The following GMEB2 variants were observed in gnomAD, a reference collection of about 807,000 sequenced individuals.
The protein encoded by GMEB2 is glucocorticoid modulatory element binding protein 2, also known as glucocorticoid modulatory element-binding protein 2.
A neutral mutation model predicts 45.7 loss-of-function variants in GMEB2; 7 were observed. The ratio of observed to expected loss-of-function variants is 0.15; its 90% CI spans 0.09 to 0.29. The LOEUF is 0.29. GMEB2 is among the 10% of genes least tolerant of loss of function. The pLI is 1.00. For synonymous variants in GMEB2, 322 were observed against 323.6 expected (o/e 1.00, Z 0.05); for missense variants, 582 against 739.2 (o/e 0.79, Z 2.47).
At chr20:63,602,875 T>A in intron 4 of GMEB2, 90 bp downstream of exon 4, 1 of 1,205,972 alleles carries the variant, frequency 8.3e-7, no homozygotes, top group Non-Finnish European at 1.2e-6. Context: ...AGACCCTGCC[T>A]CAGGATGCAC....
chr20:63,598,342 T>TCACACACACACA (rs1330339811), intron 4 of GMEB2, among the ~76,000 whole-genome samples: 1 of 51,568 alleles, frequency 1.9e-5, no homozygotes, highest in Non-Finnish European at 4.3e-5. Context: ...GCTCTCACTC[T>TCACACACACACA]GACACACACA....
chr20:63,615,142 T>C (rs1248059708), intron 2 of GMEB2, among the ~76,000 whole-genome samples: 3 of 152,092 alleles, frequency 2.0e-5, no homozygotes, highest in Admixed American at 6.6e-5. Context: ...CTGTAGTGAA[T>C]TGCGATCCTC....
In GMEB2 at chr20:63,602,962, C is replaced by T; in HGVS notation, c.357+3G>A. ...CTGGGCCCTGAATGCAGCCTGTGCT[C>T]ACCTGAACACATTTCACATTGATGC... On this transcript the variant is annotated splice_donor_region_variant and intron_variant, in intron 4 of 9. Coordinates refer to ENST00000370077, the MANE Select transcript of GMEB2 (RefSeq NM_012384.5). The T allele has an allele frequency of 6.2e-7, 1 of 1,613,776 alleles. No homozygotes were observed. The highest frequency in any genetic ancestry group is 8.5e-7 in the Non-Finnish European group (1 of 1,179,746).
At chr20:63,605,816 G>A (rs1406573894) in intron 2 of GMEB2, among the ~76,000 whole-genome samples, 7 of 152,126 alleles carry the variant, frequency 4.6e-5, no homozygotes, top group Non-Finnish European at 5.9e-5. Context: ...TTAGCCAGGC[G>A]TGGTGGTACA....
Position 63,589,126 on chromosome 20 carries a change from C to T in GMEB2, c.*963G>A, listed in dbSNP as rs998167495. The T allele has an allele frequency of 6.5e-5, 26 of 399,070 alleles. No homozygotes were observed. The highest frequency in any genetic ancestry group is 9.7e-5 in the Non-Finnish European group (22 of 226,224). 24.7% of individuals were successfully genotyped at this position (399,070 alleles called of 1,614,324 possible). ...GCTGAAGGGCCCACATGGGAATCCTCGACCTCCATAGTGACTGGTTCTGTT... is the reference window on the plus strand; with the variant it reads ...GCTGAAGGGCCCACATGGGAATCCTTGACCTCCATAGTGACTGGTTCTGTT... On this transcript the variant is annotated 3_prime_UTR_variant, in exon 10 of 10. Transcript: ENST00000370077.
At position 63,593,326 on chromosome 20, in the gene GMEB2, C is replaced by T. The variant is rs749700189; in HGVS notation, c.620-244G>A. 3.3e-5 allele frequency among the ~76,000 whole-genome samples: 5 copies of T among 152,036 alleles called. No homozygotes were observed. Among genetic ancestry groups the T allele is most frequent in the Non-Finnish European group, 7.4e-5 (5 of 68,022 alleles). ...AACGCAGAAACAAATCCCTTGAACC[C>T]GTCACCCAATTTCAGCAAATCCTCA... is the stretch of plus-strand genomic sequence containing the variant. On this transcript the variant is annotated intron_variant, in intron 6 of 9. Coordinates refer to ENST00000370077, the MANE Select transcript of GMEB2 (RefSeq NM_012384.5). This position sits in a 1 kb window ranked among gnomAD's most constrained non-coding sequence, Gnocchi z 4.7.
rs2083159094 is a variant in GMEB2 at position 63,592,705 on chromosome 20, A to G, written c.692-35T>C. ...AAGGAGTGGGTTCAGTGGGCAGGGAAAGTGCTGCTACACGGGGCAGCCACC... is the reference window on the plus strand; with the variant it reads ...AAGGAGTGGGTTCAGTGGGCAGGGAGAGTGCTGCTACACGGGGCAGCCACC... On this transcript the variant is annotated intron_variant, in intron 7 of 9. Coordinates refer to ENST00000370077, the MANE Select transcript of GMEB2 (RefSeq NM_012384.5). The surrounding 1 kb of genome is among the most constrained non-coding windows in gnomAD (Gnocchi z 8.2). The G allele has an allele frequency of 1.9e-6, 3 of 1,592,806 alleles. No homozygotes were observed. The highest frequency in any genetic ancestry group is 1.7e-4 in the Middle Eastern group (1 of 5,976).
At chr20:63,602,306 C>G (rs535511157) in intron 4 of GMEB2, among the ~76,000 whole-genome samples, 1 of 152,146 alleles carries the variant, frequency 6.6e-6, no homozygotes, top group East Asian at 1.9e-4. Context: ...TATGGGAGTA[C>G]GTGGTGGATT....
chr20:63,619,477 C>A lies in GMEB2; in HGVS notation c.-57-23G>T. On this transcript the variant is annotated intron_variant, in intron 1 of 9. Transcript: ENST00000370077. This position sits in a 1 kb window ranked among gnomAD's most constrained non-coding sequence, Gnocchi z 4.6. The stretch of plus-strand genomic sequence containing the variant: ...GTCCTGGAGGAAGCAAGGCAGGGCA[C>A]AGGGATGGAGTCATCTCCACATCCA... 6.9e-7 allele frequency: 1 copy of A among 1,456,358 alleles called. No individual in the cohort carries two copies. Among genetic ancestry groups the A allele is most frequent in the Non-Finnish European group, 9.4e-7 (1 of 1,065,578 alleles). 90.2% of individuals were successfully genotyped at this position (1,456,358 alleles called of 1,614,324 possible). A position where few individuals can be genotyped will look rare whatever the true frequency, so the allele number is the denominator to read the frequency against.
At chr20:63,598,663 G>A in intron 4 of GMEB2, among the ~76,000 whole-genome samples, 1 of 152,132 alleles carries the variant, frequency 6.6e-6, no homozygotes, top group Non-Finnish European at 1.5e-5. Context: ...CAATCCCTGA[G>A]CCCACCCTCT....
chr20:63,597,865 G>C lies in GMEB2; in HGVS notation c.358-5C>G, dbSNP rs780660357. 11 of 1,542,712 alleles carry C rather than the reference G, an allele frequency of 7.1e-6. No individual in the cohort carries two copies. The highest frequency in any genetic ancestry group is 8.1e-6 in the Non-Finnish European group (9 of 1,115,028). Reference sequence around the variant, plus strand: ...GCTGATTACATGCTCGTCGTACTGTGGGGGACACAGTCATGTGGGTCAAGC... The same window carrying C: ...GCTGATTACATGCTCGTCGTACTGTCGGGGACACAGTCATGTGGGTCAAGC... On this transcript the variant is annotated splice_polypyrimidine_tract_variant and splice_region_variant and intron_variant, in intron 4 of 9. Transcript: ENST00000370077.
chr20:63,604,181 C>G (rs2089500000), intron 3 of GMEB2, among the ~76,000 whole-genome samples: 1 of 129,100 alleles, frequency 7.7e-6, no homozygotes, highest in Non-Finnish European at 1.6e-5. Flanking sequence ...GCCTGGGCAA[C>G]AGTGGGACCC....
Position 63,592,667 on chromosome 20 carries a change from T to A in GMEB2, c.695A>T (p.Asp232Val). 6.2e-7 allele frequency: 1 copy of A among 1,613,118 alleles called. No individual in the cohort carries two copies. The highest frequency in any genetic ancestry group is 1.1e-5 in the South Asian group (1 of 91,068). ...CAGCCCCCGCCAGAAGGTAAATGTG[T>A]CATCTGTGAGGGAAGGAGTGGGTTC... ...PGDWTAAIGDDTFTFWRGLKD... is the reference protein window; with the variant it reads ...PGDWTAAIGDVTFTFWRGLKD... Residue 232 changes from aspartate to valine, a missense_variant, in exon 8 of 10, where the codon GAC (aspartate) becomes GTC (valine). By Grantham distance (152) the Asp-to-Val change is radical. Transcript: ENST00000370077. The surrounding 1 kb of genome is among the most constrained non-coding windows in gnomAD (Gnocchi z 8.2).
In GMEB2 at chr20:63,590,578, C is replaced by T. The variant is rs773362357; in HGVS notation, c.1104G>A (p.Pro368=). ...TGAGCACCTGCGAGGCCATGGCGGC[C>T]GGTCCTGATGTGGCACGTGCAAGCC... ...RPRLARATSG[P]AAMASQVLTQ... Residue 368 remains proline, a synonymous_variant, in exon 10 of 10, where the codon CCG becomes CCA. Coordinates refer to ENST00000370077, the MANE Select transcript of GMEB2 (RefSeq NM_012384.5). 7.0e-6 allele frequency: 11 copies of T among 1,575,920 alleles called. No individual in the cohort carries two copies. Among genetic ancestry groups the T allele is most frequent in the East Asian group, 6.9e-5 (3 of 43,696 alleles).
rs762968235 is a variant in GMEB2 at position 63,608,833 on chromosome 20, CA to C, written c.132-3994del. On this transcript the variant is annotated intron_variant, in intron 2 of 9. Transcript: ENST00000370077. ...TTTCTAGAAACATGCCCCTCTGACCCACACCTCCATTTCTAGAAACATGCCC... is the reference window on the plus strand; with the variant it reads ...TTTCTAGAAACATGCCCCTCTGACCCCACCTCCATTTCTAGAAACATGCCC... Among the ~76,000 whole-genome samples, 40 of 48,390 alleles carry C rather than the reference CA, an allele frequency of 8.3e-4. 8 individuals carry two copies. The highest frequency in any genetic ancestry group is 1.9e-3 in the Admixed American group (9 of 4,776). 31.7% of individuals were successfully genotyped at this position (48,390 alleles called of 152,430 possible). A position where few individuals can be genotyped will look rare whatever the true frequency, so the allele number is the denominator to read the frequency against.
At chr20:63,623,810 C>T (rs539219319) in intron 1 of GMEB2, among the ~76,000 whole-genome samples, 2 of 149,356 alleles carry the variant, frequency 1.3e-5, no homozygotes, top group Non-Finnish European at 3.0e-5. Context: ...AAAAAAAAAG[C>T]CACTTTAAAA....
chr20:63,625,329 C>A (rs538239566), intron 1 of GMEB2, among the ~76,000 whole-genome samples: 221 of 152,074 alleles, frequency 1.5e-3, no homozygotes, highest in African/African-American at 5.1e-3. Context: ...GCACCCAACA[C>A]GCCTAGCTAA....
chr20:63,626,040 T>C (rs1320915175), intron 1 of GMEB2, among the ~76,000 whole-genome samples: 1 of 152,236 alleles, frequency 6.6e-6, no homozygotes, highest in Non-Finnish European at 1.5e-5. Flanking sequence ...ACGCATGAAT[T>C]ACACAGTAAC....
chr20:63,601,483 A>T (rs1032366731), intron 4 of GMEB2, among the ~76,000 whole-genome samples: 1 of 151,664 alleles, frequency 6.6e-6, no homozygotes, highest in Non-Finnish European at 1.5e-5. Context: ...CTTCAATCCT[A>T]TCTCTAGTCG....
Sources: gnomAD v4.1 joint callset for allele counts (sites outside exome capture counted in the v4.1 genomes callset) on GRCh38, gnomAD v4.1.1 for gene constraint, Gnocchi (gnomAD v3.1) non-coding constraint, MANE v1.5 for transcripts, NCBI Gene and HGNC (gene_info 2026-07-23, HGNC 2026-07-21) for gene names.